The following FBXL17 variants were observed in gnomAD, a reference collection of about 807,000 sequenced individuals.
FBXL17 encodes F-box and leucine rich repeat protein 17.
FBXL17 carries 22 observed loss-of-function variants against 66.2 expected under a neutral mutation model. The ratio of observed to expected loss-of-function variants is 0.33; its 90% CI spans 0.24 to 0.47. The LOEUF is 0.47. Among genes scored for constraint, FBXL17 ranks in the 20% least tolerant of loss-of-function variants. The probability of loss-of-function intolerance (pLI) is 1.00; values close to 1 mark genes in which losing one functional copy is unlikely to be tolerated. For synonymous variants in FBXL17, 474 were observed against 400.5 expected (o/e 1.18, Z -2.19); for missense variants, 878 against 948.2 (o/e 0.93, Z 0.97).
intron 5 of FBXL17, among the ~76,000 whole-genome samples, chr5:108,219,928 C>CTTTTTTTTTTTTTTTTTTTTTTCT (rs1754781089): frequency 2.7e-5 from 1 of 37,432 alleles, no homozygotes; most frequent in African/African-American, 1.2e-4. Context: ...TTACTATTTC[C>CTTTTTTTTTTTTTTTTTTTTTTCT]TTTTTTTTTT....
chr5:108,076,681 T>C lies in FBXL17; in HGVS notation c.1746-55680A>G, dbSNP rs533922596. Among the ~76,000 whole-genome samples, 8 of 152,320 alleles carry C rather than the reference T, an allele frequency of 5.3e-5. No individual in the cohort carries two copies. In the South Asian group the frequency reaches 1.7e-3, roughly 32 times the overall value. On this transcript the variant is annotated intron_variant, in intron 6 of 8. Coordinates refer to ENST00000542267, the MANE Select transcript of FBXL17 (RefSeq NM_001163315.3). ...CTTAAGTAGGAAAAATTTGCAGCCA[T>C]AGAGAATCTACCTTAATACGGCAAT...
chr5:107,940,390 C>G (rs568981036), intron 7 of FBXL17, among the ~76,000 whole-genome samples: 7 of 152,156 alleles, frequency 4.6e-5, no homozygotes, highest in African/African-American at 1.7e-4. Context: ...GGACAAACAA[C>G]AACAGTGAGA....
At chr5:108,323,728 G>A (rs1759725760) in intron 4 of FBXL17, among the ~76,000 whole-genome samples, 1 of 152,040 alleles carries the variant, frequency 6.6e-6, no homozygotes, top group East Asian at 1.9e-4. Context: ...AAAAAGCGTA[G>A]TGCTGGCAAA....
intron 7 of FBXL17, among the ~76,000 whole-genome samples, chr5:107,998,861 T>G (rs1753592196): frequency 6.6e-6 from 1 of 152,204 alleles, no homozygotes; most frequent in Admixed American, 6.5e-5. Flanking sequence ...CTAACATTTA[T>G]AGCATAGAGT....
At chr5:108,337,795 T>G (rs1278159821) in intron 4 of FBXL17, among the ~76,000 whole-genome samples, 1 of 150,726 alleles carries the variant, frequency 6.6e-6, no homozygotes, top group Non-Finnish European at 1.5e-5. Context: ...ATGATAAAAA[T>G]AGTATTTTGG....
At chr5:108,089,008 C>A (rs1383009252) in intron 6 of FBXL17, among the ~76,000 whole-genome samples, 2 of 152,178 alleles carry the variant, frequency 1.3e-5, no homozygotes, top group East Asian at 3.9e-4. Context: ...TGCTATTCAT[C>A]CTGTAAAGAA....
intron 6 of FBXL17, among the ~76,000 whole-genome samples, chr5:108,073,104 G>T (rs1209816218): frequency 1.3e-5 from 2 of 152,038 alleles, no homozygotes; most frequent in Non-Finnish European, 1.5e-5. Context: ...AGCAATAGTT[G>T]GATAAAAGGC....
chr5:107,898,324 C>T (rs1339126746), intron 7 of FBXL17, among the ~76,000 whole-genome samples: 1 of 151,986 alleles, frequency 6.6e-6, no homozygotes, highest in Non-Finnish European at 1.5e-5. Flanking sequence ...GCCTCTCCTG[C>T]CTCCTCTTAC....
At chr5:108,072,564 C>T (rs555543611) in intron 6 of FBXL17, among the ~76,000 whole-genome samples, 7 of 152,172 alleles carry the variant, frequency 4.6e-5, no homozygotes, top group African/African-American at 9.6e-5. Context: ...AAAAATTAGC[C>T]GGGCGTGGTG....
chr5:108,021,212 AC>A (rs1561371548), intron 6 of FBXL17, among the ~76,000 whole-genome samples: 1 of 151,560 alleles, frequency 6.6e-6, no homozygotes. Context: ...ATCTTTTAAA[AC>A]CAAACAGCTT....
Position 107,993,517 on chromosome 5 carries a change from G to A in FBXL17, c.1822+27408C>T, listed in dbSNP as rs1244760673. On this transcript the variant is annotated intron_variant, in intron 7 of 8. Coordinates refer to ENST00000542267, the MANE Select transcript of FBXL17 (RefSeq NM_001163315.3). ...ATTAGGAAAGTTGAATGTCAGTGAA[G>A]CTTCCATTTTTACATTCAGCTGACT... Among the ~76,000 whole-genome samples the A allele has an allele frequency of 1.8e-4, 28 of 152,156 alleles. 1 individual carries two copies. The highest frequency in any genetic ancestry group is 1.5e-3 in the Admixed American group (23 of 15,280).
At chr5:108,201,853 T>TTA (rs1554074466) in intron 5 of FBXL17, among the ~76,000 whole-genome samples, 1 of 129,480 alleles carries the variant, frequency 7.7e-6, no homozygotes, top group East Asian at 2.2e-4. Flanking sequence ...AATTTGAAAG[T>TTA]AAAAAAAAAA....
At chr5:108,217,695 C>A (rs1328099968) in intron 5 of FBXL17, among the ~76,000 whole-genome samples, 1 of 152,128 alleles carries the variant, frequency 6.6e-6, no homozygotes, top group East Asian at 1.9e-4. Context: ...AGTCTATAGT[C>A]TATGATGTAC....
chr5:108,112,612 AAAAC>A (rs1561416134), intron 6 of FBXL17, among the ~76,000 whole-genome samples: 1 of 152,232 alleles, frequency 6.6e-6, no homozygotes, highest in African/African-American at 2.4e-5. Flanking sequence ...ATGAGGAGAA[AAAAC>A]AATCAATATA....
At chr5:108,138,713 A>G (rs1035279783) in intron 6 of FBXL17, among the ~76,000 whole-genome samples, 1 of 152,230 alleles carries the variant, frequency 6.6e-6, no homozygotes, top group African/African-American at 2.4e-5. Flanking sequence ...AATTGGCACT[A>G]GGCAACAGGG....
At chr5:108,045,052 G>T in intron 6 of FBXL17, among the ~76,000 whole-genome samples, 1 of 152,066 alleles carries the variant, frequency 6.6e-6, no homozygotes, top group Admixed American at 6.6e-5. Flanking sequence ...CTAGAGGTCT[G>T]TCAATTTTAT....
chr5:108,117,359 T>C (rs1561418602), intron 6 of FBXL17, among the ~76,000 whole-genome samples: 1 of 152,192 alleles, frequency 6.6e-6, no homozygotes, highest in South Asian at 2.1e-4. Context: ...AAATGTTTAA[T>C]AGAATTTAGT....
chr5:107,935,644 T>C (rs1341311030), intron 7 of FBXL17, among the ~76,000 whole-genome samples: 1 of 152,132 alleles, frequency 6.6e-6, no homozygotes, highest in East Asian at 1.9e-4. Context: ...ATTACATCAT[T>C]ATTTTTTCTT....
At chr5:108,352,674 C>G (rs1483726781) in intron 3 of FBXL17, among the ~76,000 whole-genome samples, 1 of 152,068 alleles carries the variant, frequency 6.6e-6, no homozygotes, top group Admixed American at 6.5e-5. Context: ...TGACTCCCAG[C>G]TAATTTTTGT....
Sources: gnomAD v4.1 joint callset for allele counts (sites outside exome capture counted in the v4.1 genomes callset) on GRCh38, gnomAD v4.1.1 for gene constraint, MANE v1.5 for transcripts, NCBI Gene and HGNC (gene_info 2026-07-23, HGNC 2026-07-21) for gene names.